Variants in RTN4RL1 observed in about 807,000 individuals in gnomAD.
RTN4RL1 encodes reticulon-4 receptor-like 1.
Under a neutral mutation model 25.6 loss-of-function variants are expected in RTN4RL1, and 7 were observed. The ratio of observed to expected loss-of-function variants is 0.27; its 90% CI spans 0.16 to 0.51. The LOEUF (loss-of-function observed/expected upper bound fraction) is 0.51. Ranked by LOEUF, RTN4RL1 falls within the 20% of genes least tolerant of loss-of-function variation. The pLI is 0.97. For synonymous variants in RTN4RL1, 297 were observed against 288.2 expected, an observed-to-expected ratio of 1.03 and a Z score of -0.31; for missense variants, 500 against 615.6, an observed-to-expected ratio of 0.81 and a Z score of 1.99.
chr17:1,991,268 G>A (rs2066907188), intron 1 of RTN4RL1, among the ~76,000 whole-genome samples: 1 of 152,024 alleles, frequency 6.6e-6, no homozygotes, highest in Non-Finnish European at 1.5e-5. Flanking sequence ...GGGAAGGGTA[G>A]GCATAGGCTT....
At position 1,937,875 on chromosome 17, in the gene RTN4RL1, G is replaced by C. The variant is rs546769552; in HGVS notation, c.14-67C>G. 2.7e-4 allele frequency: 336 copies of C among 1,261,096 alleles called. No homozygotes were observed. In the Middle Eastern group the frequency reaches 3.4e-3, roughly 13 times the overall value. The allele number at this position is 1,261,096 out of a possible 1,614,324, so 78.1% of individuals were successfully genotyped here. ...GGTGAGGACTGGCACCGCACCCTCCGGCGCCCGCCGAGGACGCATCCTCGT... is the reference window on the plus strand; with the variant it reads ...GGTGAGGACTGGCACCGCACCCTCCCGCGCCCGCCGAGGACGCATCCTCGT... On this transcript the variant is annotated intron_variant, in intron 1 of 1. Transcript: ENST00000331238.
At chr17:2,013,968 C>T (rs1482695232) in intron 1 of RTN4RL1, among the ~76,000 whole-genome samples, 8 of 152,244 alleles carry the variant, frequency 5.3e-5, no homozygotes, top group Admixed American at 5.2e-4. Context: ...ATTACTTGAC[C>T]CAGTGAGTCC....
At chr17:1,980,648 C>T (rs2066863052) in intron 1 of RTN4RL1, among the ~76,000 whole-genome samples, 1 of 152,064 alleles carries the variant, frequency 6.6e-6, no homozygotes, top group African/African-American at 2.4e-5. Context: ...TGGGCCCGCT[C>T]AGCAACCTAT....
At chr17:2,018,689 C>T (rs765705220) in intron 1 of RTN4RL1, among the ~76,000 whole-genome samples, 11 of 152,150 alleles carry the variant, frequency 7.2e-5, no homozygotes, top group African/African-American at 2.2e-4. Flanking sequence ...AGCAGTGCGC[C>T]GGCTGGGTGG....
intron 1 of RTN4RL1, among the ~76,000 whole-genome samples, chr17:1,988,975 TA>T (rs1369490410): frequency 6.6e-6 from 1 of 152,134 alleles, no homozygotes; most frequent in African/African-American, 2.4e-5. Context: ...CAGGGGCCCC[TA>T]TTTCAAGAGC....
chr17:1,998,818 C>A lies in RTN4RL1; in HGVS notation c.13+26035G>T, dbSNP rs1416055349. On this transcript the variant is annotated intron_variant, in intron 1 of 1. Coordinates refer to ENST00000331238, the MANE Select transcript of RTN4RL1 (RefSeq NM_178568.4). This position sits in a 1 kb window ranked among gnomAD's most constrained non-coding sequence, Gnocchi z 4.9. ...TGGGGCTCTGCGAGGGCCCTAAAAA[C>A]GCTGGGGACGCGGGTTTGACGCACT... 1.3e-5 allele frequency among the ~76,000 whole-genome samples: 2 copies of A among 151,972 alleles called. No individual in the cohort carries two copies. Among genetic ancestry groups the A allele is most frequent in the African/African-American group, 4.8e-5 (2 of 41,286 alleles).
At chr17:1,970,019 C>CTCTT (rs1287799644) in intron 1 of RTN4RL1, among the ~76,000 whole-genome samples, 1 of 72,188 alleles carries the variant, frequency 1.4e-5, no homozygotes, top group African/African-American at 5.1e-5. Flanking sequence ...CTCTCTCTCT[C>CTCTT]TTTTTTTTTT....
Position 1,936,166 on chromosome 17 carries a change from T to A in RTN4RL1, c.*330A>T. The A allele has an allele frequency of 8.8e-7, 1 of 1,133,604 alleles. No homozygotes were observed. The highest frequency in any genetic ancestry group is 1.1e-6 in the Non-Finnish European group (1 of 923,354). The allele number at this position is 1,133,604 out of a possible 1,614,324, so 70.2% of individuals were successfully genotyped here. Reference sequence around the variant, plus strand: ...CGATCGGGATTCCACAGAGCCCCGGTGCCGCCGTCGGGGGCAATTGTCCCA... The same window carrying A: ...CGATCGGGATTCCACAGAGCCCCGGAGCCGCCGTCGGGGGCAATTGTCCCA... On this transcript the variant is annotated 3_prime_UTR_variant, in exon 2 of 2. Transcript: ENST00000331238.
At chr17:1,956,900 C>T (rs780787700) in intron 1 of RTN4RL1, among the ~76,000 whole-genome samples, 4 of 152,088 alleles carry the variant, frequency 2.6e-5, no homozygotes, top group South Asian at 2.1e-4. Flanking sequence ...TCCACCACCA[C>T]GCCCGGCTTT....
At chr17:1,965,784 T>C (rs1181242430) in intron 1 of RTN4RL1, among the ~76,000 whole-genome samples, 1 of 152,192 alleles carries the variant, frequency 6.6e-6, no homozygotes, top group African/African-American at 2.4e-5. Flanking sequence ...CAGCCCATTT[T>C]TGCGGGAAGT....
intron 1 of RTN4RL1, among the ~76,000 whole-genome samples, chr17:2,002,716 T>C (rs921922520): frequency 6.6e-6 from 1 of 152,102 alleles, no homozygotes; most frequent in Non-Finnish European, 1.5e-5. Flanking sequence ...TCTGTTGAGA[T>C]TGTGACATGG....
intron 1 of RTN4RL1, among the ~76,000 whole-genome samples, chr17:1,997,264 T>C (rs79479295): frequency 0.013 from 2,012 of 152,280 alleles, 57 homozygotes; most frequent in African/African-American, 0.047. Flanking sequence ...CCTCGCAAAT[T>C]ATTTCCTGCC....
At chr17:1,957,796 A>T (rs573005130) in intron 1 of RTN4RL1, among the ~76,000 whole-genome samples, 9 of 152,000 alleles carry the variant, frequency 5.9e-5, no homozygotes, top group African/African-American at 1.9e-4. Context: ...CTAAGCCTAG[A>T]TTGCACCACT....
intron 1 of RTN4RL1, among the ~76,000 whole-genome samples, chr17:2,012,217 A>G (rs2067059118): frequency 6.6e-6 from 1 of 152,230 alleles, no homozygotes; most frequent in Non-Finnish European, 1.5e-5. Context: ...CACATCTGCC[A>G]AGTACAACCC....
intron 1 of RTN4RL1, among the ~76,000 whole-genome samples, chr17:1,938,776 C>A (rs183885016): frequency 6.6e-6 from 1 of 150,514 alleles, no homozygotes; most frequent in African/African-American, 2.4e-5. Flanking sequence ...CATGGCCGGG[C>A]GCGGTGGCTC....
chr17:1,978,079 C>G (rs12103650), intron 1 of RTN4RL1, among the ~76,000 whole-genome samples: 1,733 of 152,340 alleles, frequency 0.011, 32 homozygotes, highest in African/African-American at 0.039. Flanking sequence ...GCAACCCTCC[C>G]GCGGCCCCGC....
At chr17:1,958,195 C>CA (rs936528304) in intron 1 of RTN4RL1, among the ~76,000 whole-genome samples, 2 of 152,148 alleles carry the variant, frequency 1.3e-5, no homozygotes, top group African/African-American at 4.8e-5. Flanking sequence ...GTCTCAAAAA[C>CA]AAAAACAAAA....
chr17:2,024,787 C>G, intron 1 of RTN4RL1, 66 bp downstream of exon 1: 1 of 1,509,048 alleles, frequency 6.6e-7, no homozygotes, highest in East Asian at 2.5e-5. Flanking sequence ...CGCCGGGCGG[C>G]GCCCGGGCTC....
chr17:1,995,462 G>A (rs935380361), intron 1 of RTN4RL1, among the ~76,000 whole-genome samples: 1 of 151,984 alleles, frequency 6.6e-6, no homozygotes, highest in South Asian at 2.1e-4. Flanking sequence ...GCATGGCAGG[G>A]GAACCTCTAC....
Sources: gnomAD v4.1 joint callset for allele counts (sites outside exome capture counted in the v4.1 genomes callset) on GRCh38, gnomAD v4.1.1 for gene constraint, Gnocchi (gnomAD v3.1) non-coding constraint, MANE v1.5 for transcripts, NCBI Gene and HGNC (gene_info 2026-07-23, HGNC 2026-07-21) for gene names.